Variants in ZCWPW1 observed in about 807,000 individuals in gnomAD.
The protein encoded by ZCWPW1 is zinc finger CW-type PWWP domain protein 1.
Under a neutral mutation model 81.3 loss-of-function variants are expected in ZCWPW1, and 56 were observed. The ratio of observed to expected loss-of-function variants is 0.69; its 90% CI spans 0.56 to 0.86. The LOEUF is 0.86. Ranked by LOEUF, ZCWPW1 falls within the 40% of genes least tolerant of loss-of-function variation. The pLI is 0.00. For synonymous variants in ZCWPW1, 250 were observed against 273.7 expected (o/e 0.91, Z 0.86); for missense variants, 650 against 769.8 (o/e 0.84, Z 1.84).
chr7:100,404,511 C>A (rs895047631), intron 13 of ZCWPW1, among the ~76,000 whole-genome samples: 1 of 152,120 alleles, frequency 6.6e-6, no homozygotes, highest in African/African-American at 2.4e-5. Flanking sequence ...CAGGCATGCA[C>A]CACCATGCCT....
intron 2 of ZCWPW1, among the ~76,000 whole-genome samples, chr7:100,423,870 A>C (rs1319239888): frequency 6.6e-6 from 1 of 152,094 alleles, no homozygotes; most frequent in Non-Finnish European, 1.5e-5. Context: ...GGAGTTCGAG[A>C]CCAGCCTGTT....
chr7:100,401,586 A>T (rs1357770912), intron 17 of ZCWPW1, among the ~76,000 whole-genome samples: 2 of 152,176 alleles, frequency 1.3e-5, no homozygotes, highest in Admixed American at 6.5e-5. Flanking sequence ...ATATCCAGTG[A>T]GAGAGCTATT....
At chr7:100,401,742 G>A in intron 17 of ZCWPW1, 147 bp downstream of exon 17, 3 of 1,056,854 alleles carry the variant, frequency 2.8e-6, no homozygotes, top group Non-Finnish European at 4.0e-6. Context: ...TGTGTGCTGG[G>A]TGCAGTCCGA....
At chr7:100,421,267 C>G (rs544614579) in intron 2 of ZCWPW1, among the ~76,000 whole-genome samples, 2 of 152,258 alleles carry the variant, frequency 1.3e-5, no homozygotes, top group South Asian at 4.1e-4. Flanking sequence ...GGTAGTAGTA[C>G]CAGAAGCATA....
At chr7:100,401,463 A>G in intron 17 of ZCWPW1, 127 bp from the exon 18 acceptor site, 1 of 905,874 alleles carries the variant, frequency 1.1e-6, no homozygotes, top group Non-Finnish European at 1.6e-6. Context: ...CAATACAAAG[A>G]ATATGGACTT....
intron 1 of ZCWPW1, among the ~76,000 whole-genome samples, chr7:100,425,921 T>G (rs1321713300): frequency 1.3e-5 from 2 of 152,094 alleles, no homozygotes; most frequent in South Asian, 4.2e-4. Flanking sequence ...CTCTTTGGAG[T>G]CCTCCATAAA....
At chr7:100,404,921 C>A in intron 13 of ZCWPW1, 92 bp downstream of exon 13, 2 of 1,330,308 alleles carry the variant, frequency 1.5e-6, no homozygotes, top group South Asian at 1.2e-5. Flanking sequence ...TAGGATGGCC[C>A]CTAGCACAAA....
intron 2 of ZCWPW1, among the ~76,000 whole-genome samples, chr7:100,424,327 GA>G (rs1186329205): frequency 2.6e-5 from 4 of 151,812 alleles, no homozygotes; most frequent in African/African-American, 7.3e-5. Context: ...CTCTGGAAGA[GA>G]AAAAAAATGG....
chr7:100,412,498 T>C (rs1422151502), intron 8 of ZCWPW1, among the ~76,000 whole-genome samples: 1 of 152,230 alleles, frequency 6.6e-6, no homozygotes, highest in African/African-American at 2.4e-5. Context: ...TACCAACTTC[T>C]AACAATTTTA....
chr7:100,419,917 A>G (rs1796043672), intron 3 of ZCWPW1, 34 bp from the exon 4 acceptor site: 1 of 1,505,644 alleles, frequency 6.6e-7, no homozygotes, highest in Non-Finnish European at 9.0e-7. Flanking sequence ...AATTTATGAA[A>G]CATACAGTCT....
intron 10 of ZCWPW1, among the ~76,000 whole-genome samples, chr7:100,408,214 G>C (rs1384481766): frequency 6.6e-6 from 1 of 152,220 alleles, no homozygotes; most frequent in Non-Finnish European, 1.5e-5. Flanking sequence ...GCCTCCCAAA[G>C]TGCTGGGATT....
intron 1 of ZCWPW1, among the ~76,000 whole-genome samples, chr7:100,426,102 C>G (rs1428576950): frequency 6.6e-6 from 1 of 152,222 alleles, no homozygotes; most frequent in Non-Finnish European, 1.5e-5. Flanking sequence ...TCATTCCCTT[C>G]CTTATATTGT....
chr7:100,402,468 C>T (rs1232194075), intron 16 of ZCWPW1, 48 bp downstream of exon 16: 1 of 1,602,902 alleles, frequency 6.2e-7, no homozygotes, highest in Non-Finnish European at 8.5e-7. Context: ...TCTACCACTT[C>T]CCTGCCTTAA....
At chr7:100,417,286 A>G in intron 5 of ZCWPW1, 103 bp from the exon 6 acceptor site, 1 of 771,470 alleles carries the variant, frequency 1.3e-6, no homozygotes, top group Non-Finnish European at 2.1e-6. Flanking sequence ...GTAGCCTGAA[A>G]GAGCCTACCT....
chr7:100,419,182 G>A lies in ZCWPW1; in HGVS notation c.290C>T (p.Ser97Leu). The stretch of plus-strand genomic sequence containing the variant: ...CTCAAATTCTGCATTGGTAAGACTT[G>A]ATTTTTCCTGCAGAGACAAGGGTAG... ...KQAEKKEKEK[S>L]SLTNAEFEEI... Residue 97 changes from serine (S) to leucine (L), a missense_variant, in exon 5 of 18, where the codon TCA becomes TTA. Coordinates refer to ENST00000684423, the MANE Select transcript of ZCWPW1 (RefSeq NM_001386010.1). 6.2e-7 allele frequency: 1 copy of A among 1,612,768 alleles called. No homozygotes were observed. The highest frequency in any genetic ancestry group is 8.5e-7 in the Non-Finnish European group (1 of 1,179,474).
Position 100,404,156 on chromosome 7 carries a change from C to T in ZCWPW1, c.1321+22G>A, listed in dbSNP as rs761995553. 3.7e-6 allele frequency: 6 copies of T among 1,613,380 alleles called. No individual in the cohort carries two copies. In the South Asian group the frequency reaches 6.6e-5, roughly 18 times the overall value. On this transcript the variant is annotated intron_variant, in intron 14 of 17. Coordinates refer to ENST00000684423, the MANE Select transcript of ZCWPW1 (RefSeq NM_001386010.1). ...GGAATCCCTCCCATCCTTCTCCAGTCCTCAACCTCCATTTATCCTACCTTT... is the reference window on the plus strand; with the variant it reads ...GGAATCCCTCCCATCCTTCTCCAGTTCTCAACCTCCATTTATCCTACCTTT...
At position 100,424,363 on chromosome 7, in the gene ZCWPW1, A is replaced by G. The variant is rs1796929233; in HGVS notation, c.-30+667T>C. ...GATCAAAATGCCTCTGGGGAGTAGA[A>G]CTGGGTAGATGAGAGTGAAAGGAAG... On this transcript the variant is annotated intron_variant, in intron 2 of 17. Coordinates refer to ENST00000684423, the MANE Select transcript of ZCWPW1 (RefSeq NM_001386010.1). Among the ~76,000 whole-genome samples the G allele has an allele frequency of 2.0e-5, 3 of 152,312 alleles. No homozygotes were observed. The South Asian group carries it at 6.2e-4, about 32-fold the overall frequency.
chr7:100,411,643 T>C (rs1265322107), intron 8 of ZCWPW1, among the ~76,000 whole-genome samples: 1 of 152,070 alleles, frequency 6.6e-6, no homozygotes, highest in Non-Finnish European at 1.5e-5. Context: ...TTGCCAATAG[T>C]AGTTTTGGAT....
At chr7:100,426,364 C>T (rs560722668) in intron 1 of ZCWPW1, among the ~76,000 whole-genome samples, 57 of 151,940 alleles carry the variant, frequency 3.8e-4, no homozygotes, top group Non-Finnish European at 6.8e-4. Context: ...TGGTGGCAGG[C>T]GCCTGTAATC....
Sources: allele counts gnomAD v4.1 joint callset (sites outside exome capture counted in the v4.1 genomes callset), GRCh38; gene constraint gnomAD v4.1.1; transcripts MANE v1.5; gene names NCBI Gene and HGNC (gene_info 2026-07-23, HGNC 2026-07-21).